The following ELAVL2 variants were observed in gnomAD, a reference collection of about 807,000 sequenced individuals.
The protein encoded by ELAVL2 is ELAV-like protein 2.
A neutral mutation model predicts 34.6 loss-of-function variants in ELAVL2; 4 were observed. The observed-to-expected ratio is 0.12, with a 90% confidence interval of 0.06 to 0.26. The LOEUF is 0.26. Ranked by LOEUF, ELAVL2 falls within the 10% of genes least tolerant of loss-of-function variation. The pLI is 1.00. For missense variants in ELAVL2, 432 were observed against 442.8 expected, an observed-to-expected ratio of 0.98 and a Z score of 0.22; for synonymous variants, 193 against 154.8, an observed-to-expected ratio of 1.25 and a Z score of -1.83.
At chr9:23,775,641 G>A (rs1224529265) in intron 1 of ELAVL2, among the ~76,000 whole-genome samples, 10 of 152,036 alleles carry the variant, frequency 6.6e-5, no homozygotes, top group Admixed American at 3.9e-4. Flanking sequence ...CTCACTCCAC[G>A]TTGCCTATGA....
intron 2 of ELAVL2, among the ~76,000 whole-genome samples, chr9:23,739,240 G>T: frequency 6.6e-6 from 1 of 152,170 alleles, no homozygotes; most frequent in East Asian, 1.9e-4. Context: ...GACTGAGATA[G>T]TGTAGCACGC....
chr9:23,779,149 C>G lies in ELAVL2; in HGVS notation c.-15-16900G>C, dbSNP rs2058687715. 5 of 973,516 alleles carry G rather than the reference C, an allele frequency of 5.1e-6. No individual in the cohort carries two copies. In the South Asian group the frequency reaches 1.9e-4, roughly 37 times the overall value. The allele number at this position is 973,516 out of a possible 1,614,324, so 60.3% of individuals were successfully genotyped here. The stretch of plus-strand genomic sequence containing the variant: ...AATTTCCAGGTTAACGCTCTAAAAA[C>G]TGTCTCATGACAAACCACAAATTGT... On this transcript the variant is annotated intron_variant, in intron 1 of 6. Coordinates refer to ENST00000397312, the MANE Select transcript of ELAVL2 (RefSeq NM_004432.5).
upstream of ELAVL2, among the ~76,000 whole-genome samples, chr9:23,828,859 T>C (rs2065411487): frequency 6.6e-6 from 1 of 152,202 alleles, no homozygotes; most frequent in Admixed American, 6.5e-5. Context: ...AAATATTGAT[T>C]ACAGCCTCTT....
chr9:23,699,812 GTTTTTTTTTTTTTTTTTTTTTTTT>G (rs199637833), intron 5 of ELAVL2, among the ~76,000 whole-genome samples: 8,713 of 83,218 alleles, frequency 0.1, 652 homozygotes, highest in African/African-American at 0.23. Flanking sequence ...GGTGGCAAAG[GTTTTTTTTTTTTTTTTTTTTTTTT>G]TTTTTTTTTT....
chr9:23,722,487 T>C (rs2043993293), intron 3 of ELAVL2, among the ~76,000 whole-genome samples: 2 of 152,180 alleles, frequency 1.3e-5, no homozygotes, highest in Admixed American at 1.3e-4. Flanking sequence ...GCAGAGTTCT[T>C]CACTCCTAGG....
At chr9:23,699,268 A>T (rs1328689804) in intron 5 of ELAVL2, among the ~76,000 whole-genome samples, 2 of 152,206 alleles carry the variant, frequency 1.3e-5, no homozygotes, top group Admixed American at 1.3e-4. Flanking sequence ...TCAACAACCT[A>T]GCACCTGAGT....
intron 3 of ELAVL2, among the ~76,000 whole-genome samples, chr9:23,722,975 G>A (rs900004865): frequency 1.3e-5 from 2 of 152,128 alleles, no homozygotes; most frequent in African/African-American, 4.8e-5. Context: ...ACTTTTCCCA[G>A]GTGATAAATG....
At position 23,690,235 on chromosome 9, in the gene ELAVL2, G is replaced by A. The variant is rs898885069; in HGVS notation, c.*2322C>T. The A allele has an allele frequency of 2.0e-5, 3 of 152,636 alleles. No individual in the cohort carries two copies. Among genetic ancestry groups the A allele is most frequent in the East Asian group, 1.9e-4 (1 of 5,172 alleles). The allele number at this position is 152,636 out of a possible 1,614,324, so 9.5% of individuals were successfully genotyped here. A position where few individuals can be genotyped will look rare whatever the true frequency, so the allele number is the denominator to read the frequency against. On this transcript the variant is annotated 3_prime_UTR_variant, in exon 7 of 7. Transcript: ENST00000397312. Reference sequence around the variant, plus strand: ...TTCTATTCCAACAGATGTGAATTAAGTCATACTGTACAACTTCAAATAAAT... The same window carrying A: ...TTCTATTCCAACAGATGTGAATTAAATCATACTGTACAACTTCAAATAAAT...
At chr9:23,788,193 G>T (rs1315362137) in intron 1 of ELAVL2, among the ~76,000 whole-genome samples, 4 of 152,162 alleles carry the variant, frequency 2.6e-5, no homozygotes. Flanking sequence ...CAATGGACCA[G>T]GATATAAAAT....
Position 23,761,676 on chromosome 9 carries a change from G to GCTAA in ELAVL2, c.229+326_229+329dup, listed in dbSNP as rs1324247698. Among the ~76,000 whole-genome samples, 212 of 152,008 alleles carry GCTAA rather than the reference G, an allele frequency of 1.4e-3. 1 individual carries two copies. The highest frequency in any genetic ancestry group is 4.7e-4 in the Non-Finnish European group (32 of 67,924). ...ACATATTGTATCTCACTGTTGAAAT[G>GCTAA]CTAACTTAAATACACTCAGGGTACT... On this transcript the variant is annotated intron_variant, in intron 2 of 6. Transcript: ENST00000397312.
chr9:23,766,355 G>C (rs1339330294), intron 1 of ELAVL2, among the ~76,000 whole-genome samples: 1 of 152,120 alleles, frequency 6.6e-6, no homozygotes, highest in Non-Finnish European at 1.5e-5. Flanking sequence ...TTACACCCAT[G>C]AAAGATTTTT....
chr9:23,729,776 G>A (rs1350079560), intron 3 of ELAVL2, among the ~76,000 whole-genome samples: 1 of 151,944 alleles, frequency 6.6e-6, no homozygotes, highest in African/African-American at 2.4e-5. Context: ...TAAATATAAA[G>A]ACTGATGTGT....
chr9:23,713,659 T>A (rs1271688798), intron 3 of ELAVL2, among the ~76,000 whole-genome samples: 1 of 152,204 alleles, frequency 6.6e-6, no homozygotes, highest in African/African-American at 2.4e-5. Context: ...TTTAGCCACA[T>A]AATATTTATA....
chr9:23,763,260 A>T (rs952156636), intron 1 of ELAVL2, among the ~76,000 whole-genome samples: 2 of 152,066 alleles, frequency 1.3e-5, no homozygotes, highest in Non-Finnish European at 2.9e-5. Context: ...TGTTCAGGCT[A>T]CTCTACAAAT....
rs1015613015 is a variant in ELAVL2 at position 23,691,211 on chromosome 9, G to A, written c.*1346C>T. ...AATGCCATTTACAAAGGAAAAAACT[G>A]ATACAAAAACATTCAAAACCTGAAC... On this transcript the variant is annotated 3_prime_UTR_variant, in exon 7 of 7. Transcript: ENST00000397312. The A allele has an allele frequency of 6.6e-6, 1 of 152,350 alleles. No homozygotes were observed. The highest frequency in any genetic ancestry group is 2.4e-5 in the African/African-American group (1 of 41,364). 9.4% of individuals were successfully genotyped at this position (152,350 alleles called of 1,614,324 possible). A position where few individuals can be genotyped will look rare whatever the true frequency, so the allele number is the denominator to read the frequency against.
chr9:23,697,527 A>C (rs1040008555), intron 5 of ELAVL2, among the ~76,000 whole-genome samples: 2 of 152,174 alleles, frequency 1.3e-5, no homozygotes, highest in African/African-American at 4.8e-5. Flanking sequence ...AATTTAATGA[A>C]TAGCACACGC....
the ELAVL2 span, among the ~76,000 whole-genome samples, chr9:23,843,672 C>T: frequency 6.6e-6 from 1 of 151,906 alleles, no homozygotes; most frequent in East Asian, 1.9e-4. Flanking sequence ...CTTACACCCC[C>T]CTTTCTAATT....
At chr9:23,831,677 T>C in the ELAVL2 span, 1 of 152,144 alleles carries the variant, frequency 6.6e-6, no homozygotes, top group Non-Finnish European at 1.5e-5. Flanking sequence ...CCATTCTATC[T>C]GGGCTGTAAA....
chr9:23,809,956 ATTGAACAC>A (rs1398199551), intron 1 of ELAVL2, among the ~76,000 whole-genome samples: 1 of 152,166 alleles, frequency 6.6e-6, no homozygotes, highest in African/African-American at 2.4e-5. Flanking sequence ...CAAACATCCT[ATTGAACAC>A]TTGACCTGCC....
Sources: gnomAD v4.1 joint callset for allele counts (sites outside exome capture counted in the v4.1 genomes callset) on GRCh38, gnomAD v4.1.1 for gene constraint, MANE v1.5 for transcripts, NCBI Gene and HGNC (gene_info 2026-07-23, HGNC 2026-07-21) for gene names.